Variants in FAM120A observed in about 807,000 individuals in gnomAD.
FAM120A encodes constitutive coactivator of PPAR-gamma-like protein 1.
FAM120A carries 15 observed loss-of-function variants against 109.7 expected under a neutral mutation model. That is an observed-to-expected ratio of 0.14 (90% CI 0.09 to 0.21). The LOEUF is 0.21. Among genes scored for constraint, FAM120A ranks in the 10% least tolerant of loss-of-function variants. FAM120A has a pLI of 1.00. For missense variants in FAM120A, 899 were observed against 1,439.3 expected, an observed-to-expected ratio of 0.62 and a Z score of 6.07; for synonymous variants, 493 against 572.8, an observed-to-expected ratio of 0.86 and a Z score of 1.99.
chr9:93,463,135 T>C (rs746406545), intron 1 of FAM120A, among the ~76,000 whole-genome samples: 11 of 152,232 alleles, frequency 7.2e-5, no homozygotes, highest in Admixed American at 1.3e-4. Flanking sequence ...CCACCAGCAA[T>C]GCACAAGGAA....
rs1192054566 is a variant in FAM120A at position 93,506,689 on chromosome 9, C to T, written c.1030+7803C>T. On this transcript the variant is annotated intron_variant, in intron 5 of 17. Transcript: ENST00000277165. ...CTCAGCTCACTGCAACCTCCACCTC[C>T]TGGGTTCAAGCAATTCTCCTGCCTC... Among the ~76,000 whole-genome samples the T allele has an allele frequency of 2.0e-5, 3 of 152,188 alleles. No homozygotes were observed. In the East Asian group the frequency reaches 5.8e-4, roughly 29 times the overall value.
intron 5 of FAM120A, among the ~76,000 whole-genome samples, chr9:93,506,527 C>T (rs570493997): frequency 2.6e-5 from 4 of 151,650 alleles, no homozygotes; most frequent in African/African-American, 7.2e-5. Context: ...GATTGTGTCT[C>T]CTCTAGTATC....
intron 15 of FAM120A, among the ~76,000 whole-genome samples, chr9:93,560,119 C>T (rs1278721717): frequency 1.3e-5 from 2 of 151,824 alleles, no homozygotes; most frequent in African/African-American, 4.8e-5. Context: ...ATAGTGAGAC[C>T]CCTGCCTCTA....
chr9:93,484,398 C>T (rs544349720), intron 3 of FAM120A, among the ~76,000 whole-genome samples: 6 of 152,088 alleles, frequency 3.9e-5, no homozygotes, highest in Non-Finnish European at 5.9e-5. Flanking sequence ...CTGGAATGGA[C>T]GACCCTGCCA....
At chr9:93,464,655 T>A (rs1213456034) in intron 1 of FAM120A, among the ~76,000 whole-genome samples, 1 of 152,004 alleles carries the variant, frequency 6.6e-6, no homozygotes, top group East Asian at 1.9e-4. Flanking sequence ...TTTGATAGAG[T>A]GGAAATGGTA....
intron 10 of FAM120A, among the ~76,000 whole-genome samples, chr9:93,541,424 G>T (rs368393208): frequency 6.6e-6 from 1 of 152,154 alleles, no homozygotes; most frequent in East Asian, 1.9e-4. Flanking sequence ...AGATCCACAG[G>T]ATCGGGGTGG....
At chr9:93,559,502 A>G (rs1219850293) in intron 15 of FAM120A, among the ~76,000 whole-genome samples, 2 of 152,214 alleles carry the variant, frequency 1.3e-5, no homozygotes, top group African/African-American at 4.8e-5. Flanking sequence ...CAGCAAGGGA[A>G]CTGTGCGGAA....
At chr9:93,487,286 C>T (rs1422280827) in intron 3 of FAM120A, among the ~76,000 whole-genome samples, 1 of 152,010 alleles carries the variant, frequency 6.6e-6, no homozygotes, top group Non-Finnish European at 1.5e-5. Context: ...CTCAGCCTCC[C>T]GAGCAGCTGG....
At chr9:93,487,956 T>C (rs762815426) in intron 3 of FAM120A, among the ~76,000 whole-genome samples, 1 of 152,192 alleles carries the variant, frequency 6.6e-6, no homozygotes, top group Non-Finnish European at 1.5e-5. Flanking sequence ...TCTGCTCTAT[T>C]TCACACTGCT....
At chr9:93,554,659 C>G (rs748780157) in intron 12 of FAM120A, among the ~76,000 whole-genome samples, 3 of 151,690 alleles carry the variant, frequency 2.0e-5, no homozygotes, top group Non-Finnish European at 4.4e-5. Context: ...GATGACAGAG[C>G]GAGACTCTGT....
intron 5 of FAM120A, among the ~76,000 whole-genome samples, chr9:93,510,084 G>C (rs1860242179): frequency 6.6e-6 from 1 of 152,210 alleles, no homozygotes; most frequent in Non-Finnish European, 1.5e-5. Context: ...GGAAGTCAGA[G>C]CATTACTCCC....
At chr9:93,489,988 A>C (rs1859241915) in intron 3 of FAM120A, among the ~76,000 whole-genome samples, 1 of 152,236 alleles carries the variant, frequency 6.6e-6, no homozygotes, top group African/African-American at 2.4e-5. Context: ...CTCAGCCCCC[A>C]GACCTGTGCT....
At chr9:93,475,983 G>T (rs1248468480) in intron 2 of FAM120A, among the ~76,000 whole-genome samples, 1 of 152,086 alleles carries the variant, frequency 6.6e-6, no homozygotes, top group Non-Finnish European at 1.5e-5. Flanking sequence ...TTGCAAACTG[G>T]TGTTTATTTT....
At chr9:93,504,183 G>A (rs1369694634) in intron 5 of FAM120A, among the ~76,000 whole-genome samples, 2 of 152,128 alleles carry the variant, frequency 1.3e-5, no homozygotes, top group Admixed American at 1.3e-4. Flanking sequence ...TCCTGAGTTA[G>A]GAGGACATAG....
intron 5 of FAM120A, among the ~76,000 whole-genome samples, chr9:93,514,846 G>A (rs556179714): frequency 3.3e-5 from 5 of 152,324 alleles, no homozygotes; most frequent in South Asian, 4.1e-4. Flanking sequence ...TAGTTAGGCC[G>A]CGCGAGGCCA....
intron 11 of FAM120A, 40 bp downstream of exon 11, chr9:93,543,511 C>G: frequency 6.2e-7 from 1 of 1,602,216 alleles, no homozygotes; most frequent in Non-Finnish European, 8.5e-7. Context: ...GGGTCCCCGC[C>G]AGGTGTAGGG....
At chr9:93,480,383 C>T (rs1171332327) in intron 3 of FAM120A, among the ~76,000 whole-genome samples, 3 of 152,152 alleles carry the variant, frequency 2.0e-5, no homozygotes, top group South Asian at 2.1e-4. Flanking sequence ...GCTGCAGTCC[C>T]GGAGATGCCT....
chr9:93,465,674 G>A (rs1009900161), intron 1 of FAM120A, among the ~76,000 whole-genome samples: 1 of 152,142 alleles, frequency 6.6e-6, no homozygotes, highest in African/African-American at 2.4e-5. Context: ...TCCAGGGAAT[G>A]TTCACTTCCT....
At chr9:93,486,237 G>A (rs1171425769) in intron 3 of FAM120A, among the ~76,000 whole-genome samples, 1 of 151,648 alleles carries the variant, frequency 6.6e-6, no homozygotes, top group Non-Finnish European at 1.5e-5. Flanking sequence ...GCCTCCCATA[G>A]TCCTGGGATT....
Sources: gnomAD v4.1 joint callset for allele counts (sites outside exome capture counted in the v4.1 genomes callset) on GRCh38, gnomAD v4.1.1 for gene constraint, MANE v1.5 for transcripts, NCBI Gene and HGNC (gene_info 2026-07-23, HGNC 2026-07-21) for gene names.